The following SNAPC3 variants were observed in gnomAD, a reference collection of about 807,000 sequenced individuals.
SNAPC3 encodes small nuclear RNA activating complex polypeptide 3.
In SNAPC3, 56 loss-of-function variants were observed where a neutral mutation model predicts 47.7. That is an observed-to-expected ratio of 1.18 (90% CI 0.95 to 1.47). The LOEUF is 1.47. Among genes scored for constraint, SNAPC3 ranks in the 40% most tolerant of loss-of-function variants. SNAPC3 has a pLI of 0.00. For synonymous variants in SNAPC3, 235 were observed against 189.9 expected (o/e 1.24, Z -1.95); for missense variants, 665 against 511.3 (o/e 1.30, Z -2.90).
chr9:15,445,149 A>G (rs1033219683), intron 4 of SNAPC3, among the ~76,000 whole-genome samples: 27 of 152,330 alleles, frequency 1.8e-4, no homozygotes, highest in Non-Finnish European at 1.2e-4. Context: ...TTGACAATCT[A>G]TAATCTTGTG....
chr9:15,465,055 ATCTACC>A, downstream of SNAPC3: 1 of 224,906 alleles, frequency 4.4e-6, no homozygotes, highest in Non-Finnish European at 8.9e-6. Flanking sequence ...GTAACATTTT[ATCTACC>A]ATAAAAATGT....
Position 15,425,876 on chromosome 9 carries a change from T to G in SNAPC3, c.392+1890T>G, listed in dbSNP as rs568916006. ...CTTGCTGTTTTCATTTTGTTTTGTT[T>G]TTGAGATGGAATTTCACTCTTGTTG... On this transcript the variant is annotated intron_variant, in intron 2 of 8. Coordinates refer to ENST00000380821, the MANE Select transcript of SNAPC3 (RefSeq NM_001039697.2). Among the ~76,000 whole-genome samples, 9 of 152,336 alleles carry G rather than the reference T, an allele frequency of 5.9e-5. No homozygotes were observed. The South Asian group carries it at 1.4e-3, about 25-fold the overall frequency.
intron 3 of SNAPC3, among the ~76,000 whole-genome samples, chr9:15,437,866 T>C (rs912193865): frequency 6.6e-6 from 1 of 152,218 alleles, no homozygotes; most frequent in Non-Finnish European, 1.5e-5. Flanking sequence ...AGCCTTTTCA[T>C]ATGCTTCTGA....
intron 1 of SNAPC3, 90 bp from the exon 2 acceptor site, chr9:15,423,819 T>C (rs1469299915): frequency 6.2e-6 from 4 of 645,908 alleles, no homozygotes; most frequent in Non-Finnish European, 1.0e-5. Flanking sequence ...GACTTCGTAA[T>C]TCAGTAATGT....
At chr9:15,444,133 G>A (rs2033738516) in intron 3 of SNAPC3, among the ~76,000 whole-genome samples, 1 of 152,184 alleles carries the variant, frequency 6.6e-6, no homozygotes, top group African/African-American at 2.4e-5. Flanking sequence ...AAGATGTCAT[G>A]GTGTTATAAA....
At chr9:15,427,457 T>C (rs1005775402) in intron 2 of SNAPC3, among the ~76,000 whole-genome samples, 1 of 152,256 alleles carries the variant, frequency 6.6e-6, no homozygotes, top group Admixed American at 6.5e-5. Context: ...CAAGTGATTC[T>C]TCTGCCTCAG....
At chr9:15,459,562 TTG>T (rs2035043824) in intron 8 of SNAPC3, among the ~76,000 whole-genome samples, 155 bp from the exon 9 acceptor site, 1 of 152,234 alleles carries the variant, frequency 6.6e-6, no homozygotes, top group Admixed American at 6.5e-5. Context: ...GGTGATGTAT[TTG>T]TATCTATGTA....
intron 4 of SNAPC3, among the ~76,000 whole-genome samples, chr9:15,446,537 CTGAG>C (rs2033945273): frequency 6.6e-6 from 1 of 152,118 alleles, no homozygotes; most frequent in Non-Finnish European, 1.5e-5. Flanking sequence ...ATGGAGATGA[CTGAG>C]TGATGACATG....
At chr9:15,448,951 AG>A (rs1041982018) in intron 5 of SNAPC3, among the ~76,000 whole-genome samples, 1 of 152,052 alleles carries the variant, frequency 6.6e-6, no homozygotes, top group African/African-American at 2.4e-5. Context: ...CTGGGATTAC[AG>A]GTGGCCCCAC....
chr9:15,456,023 C>T (rs536701402), intron 7 of SNAPC3, among the ~76,000 whole-genome samples: 403 of 152,126 alleles, frequency 2.6e-3, no homozygotes, highest in African/African-American at 8.5e-3. Flanking sequence ...TACAGGCATG[C>T]GCCACCACGC....
At chr9:15,450,831 C>T (rs1370450100) in intron 5 of SNAPC3, among the ~76,000 whole-genome samples, 2 of 152,136 alleles carry the variant, frequency 1.3e-5, no homozygotes, top group Non-Finnish European at 2.9e-5. Context: ...TTGAAGGTTC[C>T]AACCAGTTGT....
intron 3 of SNAPC3, among the ~76,000 whole-genome samples, chr9:15,435,201 T>C (rs895809876): frequency 1.3e-5 from 2 of 152,200 alleles, no homozygotes; most frequent in Admixed American, 6.5e-5. Context: ...TTTTTGGCCA[T>C]CTGTATATTT....
intron 5 of SNAPC3, among the ~76,000 whole-genome samples, chr9:15,448,981 G>A (rs1176569049): frequency 6.6e-6 from 1 of 151,906 alleles, no homozygotes; most frequent in Non-Finnish European, 1.5e-5. Flanking sequence ...GTTAATTTTT[G>A]TATTTTTTAG....
At chr9:15,435,570 C>CT (rs1474994968) in intron 3 of SNAPC3, among the ~76,000 whole-genome samples, 1 of 149,834 alleles carries the variant, frequency 6.7e-6, no homozygotes, top group Non-Finnish European at 1.5e-5. Context: ...GAGACTCTGT[C>CT]TCAAAAAAAA....
In SNAPC3 at chr9:15,457,970, C is replaced by T; in HGVS notation, c.991C>T (p.His331Tyr). 2 of 1,577,758 alleles carry T rather than the reference C, an allele frequency of 1.3e-6. No individual in the cohort carries two copies. Among genetic ancestry groups the T allele is most frequent in the Non-Finnish European group, 1.7e-6 (2 of 1,165,002 alleles). Reference protein sequence around the residue: ...IVITDIRLVHHDDCLDRTLYP... With the variant: ...IVITDIRLVHYDDCLDRTLYP... ...TCCCACGAACAAAAGGCTTGTGCAT[C>T]ATGATGACTGCTTGGATAGGACATT... Residue 331 changes from histidine to tyrosine, a missense_variant, in exon 8 of 9, where the codon CAT (histidine) becomes TAT (tyrosine). Physicochemically the swap from His to Tyr is moderately conservative, Grantham distance 83. Transcript: ENST00000380821.
intron 7 of SNAPC3, among the ~76,000 whole-genome samples, chr9:15,454,891 G>A (rs1182268497): frequency 6.6e-6 from 1 of 152,166 alleles, no homozygotes; most frequent in Non-Finnish European, 1.5e-5. Context: ...CTGAGATCGT[G>A]CCACTGCACT....
At chr9:15,432,563 T>A (rs1204477584) in intron 2 of SNAPC3, among the ~76,000 whole-genome samples, 1 of 152,146 alleles carries the variant, frequency 6.6e-6, no homozygotes. Flanking sequence ...GGAGAGGACT[T>A]GCTGAAAGAA....
At chr9:15,466,389 C>CAACA (rs2035629132), downstream of SNAPC3, among the ~76,000 whole-genome samples, 2 of 117,650 alleles carry the variant, frequency 1.7e-5, no homozygotes, top group African/African-American at 5.4e-5. Flanking sequence ...AAAGAAAAAA[C>CAACA]AACAACAACA....
At chr9:15,450,024 T>G (rs535764694) in intron 5 of SNAPC3, among the ~76,000 whole-genome samples, 1 of 152,314 alleles carries the variant, frequency 6.6e-6, no homozygotes, top group South Asian at 2.1e-4. Flanking sequence ...TAAACTTCAT[T>G]TTGTTTCCAA....
Sources: allele counts gnomAD v4.1 joint callset (sites outside exome capture counted in the v4.1 genomes callset), GRCh38; gene constraint gnomAD v4.1.1; transcripts MANE v1.5; gene names NCBI Gene and HGNC (gene_info 2026-07-23, HGNC 2026-07-21).